PTPRU: variants seen among roughly 807,000 people sequenced by gnomAD.
The protein encoded by PTPRU is protein tyrosine phosphatase receptor type U.
PTPRU carries 69 observed loss-of-function variants against 166.3 expected under a neutral mutation model. The ratio of observed to expected loss-of-function variants is 0.41; its 90% confidence interval spans 0.34 to 0.51. PTPRU has a LOEUF of 0.51. PTPRU is among the 20% of genes least tolerant of loss of function. PTPRU has a pLI of 0.09. For missense variants in PTPRU, 1,657 were observed against 2,013.7 expected (o/e 0.82, Z 3.39); for synonymous variants, 793 against 814.0 (o/e 0.97, Z 0.44).
At position 29,279,784 on chromosome 1, in the gene PTPRU, C is replaced by T; in HGVS notation, c.1765+127C>T. 1 of 1,173,226 alleles carries T rather than the reference C, an allele frequency of 8.5e-7. No individual in the cohort carries two copies. Among genetic ancestry groups the T allele is most frequent in the Non-Finnish European group, 1.2e-6 (1 of 823,482 alleles). The allele number at this position is 1,173,226 out of a possible 1,614,324, so 72.7% of individuals were successfully genotyped here. A position where few individuals can be genotyped will look rare whatever the true frequency, so the allele number is the denominator to read the frequency against. On this transcript the variant is annotated intron_variant, in intron 10 of 29. Transcript: ENST00000373779. This position sits in a 1 kb window ranked among gnomAD's most constrained non-coding sequence, Gnocchi z 5.2. The stretch of plus-strand genomic sequence containing the variant: ...GAGGGCCCCTGCTGAGATAAATATG[C>T]CATTTAGGAGTTAAAGTCAGGCTCA...
chr1:29,277,151 A>C (rs1685839925), intron 8 of PTPRU, among the ~76,000 whole-genome samples: 1 of 152,132 alleles, frequency 6.6e-6, no homozygotes, highest in African/African-American at 2.4e-5. Flanking sequence ...CCCAGGCTGG[A>C]GTGCAGTGGC....
intron 7 of PTPRU, among the ~76,000 whole-genome samples, chr1:29,269,246 A>ATTTTTTT (rs1175870568): frequency 0.017 from 343 of 20,598 alleles, 67 homozygotes; most frequent in Non-Finnish European, 0.028. Context: ...ATATATATAT[A>ATTTTTTT]TTTTTTTTTT....
chr1:29,259,581 A>G lies in PTPRU; in HGVS notation c.675+17A>G. 2.4e-6 allele frequency: 1 copy of G among 423,216 alleles called. No homozygotes were observed. The highest frequency in any genetic ancestry group is 1.7e-5 in the South Asian group (1 of 57,504). The allele number at this position is 423,216 out of a possible 1,614,324, so 26.2% of individuals were successfully genotyped here. A position where few individuals can be genotyped will look rare whatever the true frequency, so the allele number is the denominator to read the frequency against. ...CTCTTGCAAGTGAGCGGGAGCGGTG[A>G]TCTTGGCTGGGGGCGGGGTGGGAGG... On this transcript the variant is annotated intron_variant, in intron 5 of 29. Transcript: ENST00000373779.
chr1:29,312,742 C>A, intron 22 of PTPRU, 36 bp downstream of exon 22: 2 of 1,578,130 alleles, frequency 1.3e-6, no homozygotes, highest in Non-Finnish European at 1.7e-6. Flanking sequence ...GAAAAGGGGC[C>A]CTTCTCCCTG....
At position 29,282,768 on chromosome 1, in the gene PTPRU, A is replaced by C; in HGVS notation, c.1961A>C (p.Glu654Ala). Residue 654 changes from glutamate (E) to alanine (A), a missense_variant, in exon 12 of 30, where the codon GAG becomes GCG. Physicochemically the swap from Glu to Ala is moderately radical, Grantham distance 107. Coordinates refer to ENST00000373779, the MANE Select transcript of PTPRU (RefSeq NM_133178.4). Reference protein sequence around the residue: ...QDCFPVPLTFEAALARGLVHY... With the variant: ...QDCFPVPLTFAAALARGLVHY... ...TGCTTCCCAGTGCCATTGACCTTCG[A>C]GGCGGCGCTGGCCCGAGGCCTGGTG... 3 of 1,614,080 alleles carry C rather than the reference A, an allele frequency of 1.9e-6. No individual in the cohort carries two copies. The South Asian group carries it at 3.3e-5, about 18-fold the overall frequency.
Position 29,311,630 on chromosome 1 carries a change from G to A in PTPRU, c.2956-13G>A, listed in dbSNP as rs769718006. 3.1e-6 allele frequency: 5 copies of A among 1,613,974 alleles called. No homozygotes were observed. The highest frequency in any genetic ancestry group is 1.1e-5 in the South Asian group (1 of 91,084). ...CAAAGAGCCCACTGAGTCCCGTCCT[G>A]TGGGGCCTCTAGGTGAAATGCTCAC... On this transcript the variant is annotated splice_polypyrimidine_tract_variant and intron_variant, in intron 20 of 29. Coordinates refer to ENST00000373779, the MANE Select transcript of PTPRU (RefSeq NM_133178.4). The surrounding 1 kb of genome is among the most constrained non-coding windows in gnomAD (Gnocchi z 4.1).
At chr1:29,276,631 A>AG (rs1685818872) in intron 8 of PTPRU, among the ~76,000 whole-genome samples, 1 of 152,140 alleles carries the variant, frequency 6.6e-6, no homozygotes, top group African/African-American at 2.4e-5. Context: ...TTCTTTTATT[A>AG]TATTTATTTA....
At chr1:29,293,483 T>TG (rs936893383) in intron 15 of PTPRU, among the ~76,000 whole-genome samples, 7 of 150,674 alleles carry the variant, frequency 4.6e-5, no homozygotes, top group African/African-American at 1.5e-4. Flanking sequence ...TTTTTGTTTT[T>TG]TTTTTTTTTG....
rs771318955 is a variant in PTPRU, at chr1:29,275,764, T to C, written c.1453+8T>C. 2.5e-6 allele frequency: 4 copies of C among 1,611,588 alleles called. No individual in the cohort carries two copies. Among genetic ancestry groups the C allele is most frequent in the South Asian group, 1.1e-5 (1 of 90,968 alleles). The stretch of plus-strand genomic sequence containing the variant: ...TCCAGACGGATGAGGATGGTAAGAG[T>C]CTCAGTCCCAATTCCCGGGGCCCTG... On this transcript the variant is annotated splice_region_variant and intron_variant, in intron 8 of 29. Transcript: ENST00000373779.
At chr1:29,272,510 A>G (rs1395616650) in intron 7 of PTPRU, among the ~76,000 whole-genome samples, 2 of 152,176 alleles carry the variant, frequency 1.3e-5, no homozygotes, top group Non-Finnish European at 2.9e-5. Flanking sequence ...CAGTGTTGAA[A>G]ACTGTGTTAC....
Position 29,310,735 on chromosome 1 carries a change from C to T in PTPRU, c.2821-9C>T, listed in dbSNP as rs772645294. 9 of 1,613,396 alleles carry T rather than the reference C, an allele frequency of 5.6e-6. No homozygotes were observed. In the Middle Eastern group the frequency reaches 4.9e-4, roughly 88 times the overall value. ...TGGGGTCTAACCGTGCCCTCTCCTC[C>T]TGTTCCAGGGTTACCACAGGTCAAA... On this transcript the variant is annotated splice_polypyrimidine_tract_variant and intron_variant, in intron 18 of 29. Coordinates refer to ENST00000373779, the MANE Select transcript of PTPRU (RefSeq NM_133178.4).
At chr1:29,299,573 C>T (rs1446819024) in intron 15 of PTPRU, among the ~76,000 whole-genome samples, 1 of 152,188 alleles carries the variant, frequency 6.6e-6, no homozygotes, top group East Asian at 1.9e-4. Context: ...TCTGGCTTTC[C>T]AGGCGGGACT....
intron 7 of PTPRU, among the ~76,000 whole-genome samples, chr1:29,272,563 C>A (rs1685606523): frequency 6.6e-6 from 1 of 152,146 alleles, no homozygotes; most frequent in African/African-American, 2.4e-5. Context: ...GAATGCTTTC[C>A]TTTGCATCTT....
At position 29,260,254 on chromosome 1, in the gene PTPRU, C is replaced by T. The variant is rs1026718996; in HGVS notation, c.850+210C>T. 2 of 546,104 alleles carry T rather than the reference C, an allele frequency of 3.7e-6. No homozygotes were observed. Among genetic ancestry groups the T allele is most frequent in the Middle Eastern group, 4.9e-4 (1 of 2,046 alleles). The allele number at this position is 546,104 out of a possible 1,614,324, so 33.8% of individuals were successfully genotyped here. A position where few individuals can be genotyped will look rare whatever the true frequency, so the allele number is the denominator to read the frequency against. ...GGGTCGGGGCTGGCTTCGAGGGGGA[C>T]GGACAGGGTCAAGGTGAGAGCCTAA... is the stretch of plus-strand genomic sequence containing the variant. On this transcript the variant is annotated intron_variant, in intron 6 of 29. Coordinates refer to ENST00000373779, the MANE Select transcript of PTPRU (RefSeq NM_133178.4). This position sits in a 1 kb window ranked among gnomAD's most constrained non-coding sequence, Gnocchi z 8.3.
At position 29,260,132 on chromosome 1, in the gene PTPRU, C is replaced by G; in HGVS notation, c.850+88C>G. On this transcript the variant is annotated intron_variant, in intron 6 of 29. Transcript: ENST00000373779. This position sits in a 1 kb window ranked among gnomAD's most constrained non-coding sequence, Gnocchi z 8.3. ...GGGCGGGCTCTGCCCGGGGGCGTGG[C>G]CGTGGGGGGTGGGGCCGGCAGGGTG... is the stretch of plus-strand genomic sequence containing the variant. 2 of 1,251,824 alleles carry G rather than the reference C, an allele frequency of 1.6e-6. No homozygotes were observed. Among genetic ancestry groups the G allele is most frequent in the Middle Eastern group, 2.9e-4 (1 of 3,410 alleles). The allele number at this position is 1,251,824 out of a possible 1,614,324, so 77.5% of individuals were successfully genotyped here.
At position 29,283,985 on chromosome 1, in the gene PTPRU, G is replaced by T. The variant is rs774910489; in HGVS notation, c.2179+9G>T. On this transcript the variant is annotated intron_variant, in intron 13 of 29. Coordinates refer to ENST00000373779, the MANE Select transcript of PTPRU (RefSeq NM_133178.4). ...CCGCATTGCCAGGAAAGGTAAGTCC[G>T]CTGAGTTCCTGCAGCCTTTCAGCGG... The T allele has an allele frequency of 3.7e-6, 6 of 1,613,468 alleles. No homozygotes were observed. Among genetic ancestry groups the T allele is most frequent in the Admixed American group, 1.7e-5 (1 of 60,028 alleles).
In PTPRU at chr1:29,311,624, C is replaced by T. The variant is rs200600283; in HGVS notation, c.2956-19C>T. ...GGGCAGCAAAGAGCCCACTGAGTCC[C>T]GTCCTGTGGGGCCTCTAGGTGAAAT... On this transcript the variant is annotated intron_variant, in intron 20 of 29. Coordinates refer to ENST00000373779, the MANE Select transcript of PTPRU (RefSeq NM_133178.4). The surrounding 1 kb of genome is among the most constrained non-coding windows in gnomAD (Gnocchi z 4.1). 4.1e-4 allele frequency: 659 copies of T among 1,613,842 alleles called. No individual in the cohort carries two copies. Among genetic ancestry groups the T allele is most frequent in the Non-Finnish European group, 5.1e-4 (600 of 1,179,740 alleles).
chr1:29,317,722 T>C lies in PTPRU; in HGVS notation c.3514-26T>C, dbSNP rs1687962211. 18 of 1,584,932 alleles carry C rather than the reference T, an allele frequency of 1.1e-5. No homozygotes were observed. Among genetic ancestry groups the C allele is most frequent in the Non-Finnish European group, 1.4e-5 (16 of 1,168,520 alleles). On this transcript the variant is annotated intron_variant, in intron 24 of 29. Transcript: ENST00000373779. The surrounding 1 kb of genome is among the most constrained non-coding windows in gnomAD (Gnocchi z 5.6). ...GCCCAGCAAGCCCTGGACGTAACTC[T>C]CTGTCCCCACCCCCGCTCCCTGTAG...
At chr1:29,256,863 G>A (rs1335232760) in intron 2 of PTPRU, among the ~76,000 whole-genome samples, 1 of 152,146 alleles carries the variant, frequency 6.6e-6, no homozygotes, top group Non-Finnish European at 1.5e-5. Flanking sequence ...CTTGTCACGT[G>A]CAAGCAGAGA....
Sources: gnomAD v4.1 joint callset for allele counts (sites outside exome capture counted in the v4.1 genomes callset) on GRCh38, gnomAD v4.1.1 for gene constraint, Gnocchi (gnomAD v3.1) non-coding constraint, MANE v1.5 for transcripts, NCBI Gene and HGNC (gene_info 2026-07-23, HGNC 2026-07-21) for gene names.